PRORP: variants seen among roughly 807,000 people sequenced by gnomAD.
PRORP encodes the protein mitochondrial ribonuclease P catalytic subunit.
A neutral mutation model predicts 59.4 loss-of-function variants in PRORP; 51 were observed. The observed-to-expected ratio is 0.86, with a 90% CI of 0.69 to 1.08. The LOEUF is 1.08. Among genes scored for constraint, PRORP ranks in the 50% least tolerant of loss-of-function variants. The probability of loss-of-function intolerance (pLI) is 0.00; values close to 1 mark genes in which losing one functional copy is unlikely to be tolerated. For synonymous variants in PRORP, 231 were observed against 245.6 expected (o/e 0.94, Z 0.55); for missense variants, 646 against 690.3 (o/e 0.94, Z 0.72).
chr14:35,261,927 A>G (rs949141976), intron 5 of PRORP, among the ~76,000 whole-genome samples: 5 of 152,078 alleles, frequency 3.3e-5, no homozygotes, highest in Non-Finnish European at 7.4e-5. Flanking sequence ...TTGTTTTCAG[A>G]GAGCTGCTTC....
At chr14:35,230,129 T>G (rs1383738899) in intron 5 of PRORP, among the ~76,000 whole-genome samples, 1 of 149,528 alleles carries the variant, frequency 6.7e-6, no homozygotes, top group Non-Finnish European at 1.5e-5. Context: ...CTCTGCTCAC[T>G]GCAACCTCTG....
chr14:35,165,509 T>C (rs1015206665), intron 4 of PRORP, among the ~76,000 whole-genome samples: 2 of 152,216 alleles, frequency 1.3e-5, no homozygotes, highest in Non-Finnish European at 2.9e-5. Context: ...TTAATAGCAT[T>C]GTGATCTACA....
chr14:35,243,664 G>A (rs2050416981), intron 5 of PRORP, among the ~76,000 whole-genome samples: 1 of 152,124 alleles, frequency 6.6e-6, no homozygotes, highest in Admixed American at 6.6e-5. Context: ...TTAGAATGTA[G>A]GTTTGCCTAG....
chr14:35,250,975 G>A (rs909627930), intron 5 of PRORP, among the ~76,000 whole-genome samples: 4 of 151,982 alleles, frequency 2.6e-5, no homozygotes, highest in African/African-American at 7.2e-5. Context: ...CCCATCACCC[G>A]AGCAGTATAC....
At chr14:35,262,236 T>G (rs1263611179) in intron 5 of PRORP, among the ~76,000 whole-genome samples, 1 of 152,062 alleles carries the variant, frequency 6.6e-6, no homozygotes, top group African/African-American at 2.4e-5. Flanking sequence ...GGTCCCGAAC[T>G]CCTGGCCTCA....
intron 5 of PRORP, among the ~76,000 whole-genome samples, chr14:35,242,226 T>C (rs2050386180): frequency 6.6e-6 from 1 of 152,218 alleles, no homozygotes; most frequent in African/African-American, 2.4e-5. Flanking sequence ...ACCTATCATA[T>C]GTAGACACCA....
intron 5 of PRORP, among the ~76,000 whole-genome samples, chr14:35,231,286 C>T (rs745714450): frequency 6.6e-6 from 1 of 152,022 alleles, no homozygotes; most frequent in Non-Finnish European, 1.5e-5. Context: ...AAAGTATTGC[C>T]AAGGATCATT....
chr14:35,229,107 A>G (rs932957161), intron 5 of PRORP, among the ~76,000 whole-genome samples: 2 of 152,022 alleles, frequency 1.3e-5, no homozygotes, highest in East Asian at 1.9e-4. Flanking sequence ...AGAAGTGTCT[A>G]TTCATGTCTT....
chr14:35,152,517 G>A (rs2047787023), intron 4 of PRORP, among the ~76,000 whole-genome samples: 1 of 151,236 alleles, frequency 6.6e-6, no homozygotes, highest in Non-Finnish European at 1.5e-5. Flanking sequence ...CCAGGCAGAG[G>A]TGCCTCCCAC....
At chr14:35,203,253 A>G (rs1222309293) in intron 5 of PRORP, among the ~76,000 whole-genome samples, 2 of 152,202 alleles carry the variant, frequency 1.3e-5, no homozygotes, top group East Asian at 1.9e-4. Context: ...GTTCAGCTGT[A>G]CTAATGAAAT....
At chr14:35,245,440 C>G (rs566206974) in intron 5 of PRORP, among the ~76,000 whole-genome samples, 7 of 152,168 alleles carry the variant, frequency 4.6e-5, no homozygotes, top group Non-Finnish European at 8.8e-5. Flanking sequence ...TCCAGGAGTT[C>G]AAGACCAACC....
chr14:35,192,174 G>A (rs184023337), intron 5 of PRORP, among the ~76,000 whole-genome samples: 1 of 152,182 alleles, frequency 6.6e-6, no homozygotes, highest in Non-Finnish European at 1.5e-5. Flanking sequence ...TCACTGAATT[G>A]TAGGTACACT....
At chr14:35,251,890 T>C (rs2050624056) in intron 5 of PRORP, among the ~76,000 whole-genome samples, 1 of 152,094 alleles carries the variant, frequency 6.6e-6, no homozygotes, top group Non-Finnish European at 1.5e-5. Flanking sequence ...TGACAAATTT[T>C]AATAACACTG....
intron 5 of PRORP, among the ~76,000 whole-genome samples, chr14:35,258,047 CAT>C (rs2050802514): frequency 7.2e-6 from 1 of 139,770 alleles, no homozygotes; most frequent in Non-Finnish European, 1.5e-5. Flanking sequence ...TGATGTGTCA[CAT>C]ATGAGTAAAA....
At chr14:35,215,411 A>G (rs1163787608) in intron 5 of PRORP, among the ~76,000 whole-genome samples, 2 of 152,158 alleles carry the variant, frequency 1.3e-5, no homozygotes, top group Non-Finnish European at 2.9e-5. Context: ...ATATAAACCA[A>G]TTCCTGATGT....
intron 5 of PRORP, among the ~76,000 whole-genome samples, chr14:35,264,175 T>C (rs2050978019): frequency 6.6e-6 from 1 of 152,096 alleles, no homozygotes; most frequent in Non-Finnish European, 1.5e-5. Flanking sequence ...TCACCCAGGC[T>C]GGAGTGCAGT....
intron 5 of PRORP, among the ~76,000 whole-genome samples, chr14:35,257,952 A>T (rs1223483247): frequency 6.6e-6 from 1 of 152,130 alleles, no homozygotes; most frequent in Non-Finnish European, 1.5e-5. Context: ...ATCCCTACAC[A>T]GTTATTTCTA....
In PRORP at chr14:35,176,592, G is replaced by A. The variant is rs183877223; in HGVS notation, c.1168-4078G>A. ...CTTGTGATTTTTGTACATTGATTTT[G>A]TATCCTGAGACTTTGCTGAAGCTGC... On this transcript the variant is annotated intron_variant, in intron 4 of 7. Transcript: ENST00000534898. 2.6e-5 allele frequency among the ~76,000 whole-genome samples: 4 copies of A among 152,252 alleles called. 1 individual carries two copies. The highest frequency in any genetic ancestry group is 9.6e-5 in the African/African-American group (4 of 41,534).
At chr14:35,181,243 C>G (rs779282517) in intron 5 of PRORP, among the ~76,000 whole-genome samples, 1 of 151,852 alleles carries the variant, frequency 6.6e-6, no homozygotes, top group Non-Finnish European at 1.5e-5. Flanking sequence ...TATATGGTAG[C>G]CATTTGTTAA....
Sources: allele counts gnomAD v4.1 joint callset (sites outside exome capture counted in the v4.1 genomes callset), GRCh38; gene constraint gnomAD v4.1.1; transcripts MANE v1.5; gene names NCBI Gene and HGNC (gene_info 2026-07-23, HGNC 2026-07-21).